Variants in SDCCAG8 observed in about 807,000 individuals in gnomAD.
SDCCAG8 encodes the protein serologically defined colon cancer antigen 8.
SDCCAG8 carries 74 observed loss-of-function variants against 101.8 expected under a neutral mutation model. That is an observed-to-expected ratio of 0.73 (90% CI 0.60 to 0.88). The LOEUF (loss-of-function observed/expected upper bound fraction) is 0.88, where lower values mean the gene tolerates loss of function less well. Among genes scored for constraint, SDCCAG8 ranks in the 40% least tolerant of loss-of-function variants. The pLI, the probability that SDCCAG8 is intolerant of heterozygous loss-of-function variation, is 0.00. For synonymous variants in SDCCAG8, 281 were observed against 292.9 expected, an observed-to-expected ratio of 0.96 and a Z score of 0.41; for missense variants, 787 against 822.6, an observed-to-expected ratio of 0.96 and a Z score of 0.53.
rs1235058056 is a variant in SDCCAG8, at chr1:243,272,484, ATC to A, written c.306+1423_306+1424del. Among the ~76,000 whole-genome samples, 17 of 152,316 alleles carry A rather than the reference ATC, an allele frequency of 1.1e-4. No homozygotes were observed. In the East Asian group the frequency reaches 3.3e-3, roughly 29 times the overall value. On this transcript the variant is annotated intron_variant, in intron 3 of 17. Coordinates refer to ENST00000366541, the MANE Select transcript of SDCCAG8 (RefSeq NM_006642.5). ...ATTTAATGAATTTATTACTATTGAC[ATC>A]TGGTTTCTAGCTTGCTCTTAAGCAC... is the stretch of plus-strand genomic sequence containing the variant.
chr1:243,416,762 A>G lies in SDCCAG8; in HGVS notation c.1744+933A>G, dbSNP rs1309933245. ...TAGTCAAAACAAGACAGTGTCAGTCATTATAATTCCACACCACATACTCCA... is the reference window on the plus strand; with the variant it reads ...TAGTCAAAACAAGACAGTGTCAGTCGTTATAATTCCACACCACATACTCCA... On this transcript the variant is annotated intron_variant, in intron 14 of 17. Coordinates refer to ENST00000366541, the MANE Select transcript of SDCCAG8 (RefSeq NM_006642.5). This position sits in a 1 kb window ranked among gnomAD's most constrained non-coding sequence, Gnocchi z 4.3. 1.3e-5 allele frequency among the ~76,000 whole-genome samples: 2 copies of G among 152,246 alleles called. No homozygotes were observed. Among genetic ancestry groups the G allele is most frequent in the African/African-American group, 4.8e-5 (2 of 41,464 alleles).
At chr1:243,430,606 T>G (rs930007589) in intron 16 of SDCCAG8, among the ~76,000 whole-genome samples, 5 of 151,604 alleles carry the variant, frequency 3.3e-5, no homozygotes, top group Admixed American at 6.6e-5. Context: ...GCCCGGCTAA[T>G]TTTTTGTATT....
At chr1:243,332,811 A>G (rs1319022035) in intron 10 of SDCCAG8, among the ~76,000 whole-genome samples, 1 of 144,780 alleles carries the variant, frequency 6.9e-6, no homozygotes, top group Non-Finnish European at 1.5e-5. Context: ...TGGTTATCGT[A>G]GTCCAGGTCT....
intron 13 of SDCCAG8, among the ~76,000 whole-genome samples, chr1:243,398,768 A>G (rs1183279287): frequency 6.6e-6 from 1 of 152,228 alleles, no homozygotes; most frequent in Non-Finnish European, 1.5e-5. Flanking sequence ...CATATCACAA[A>G]TTAAATTGTA....
At chr1:243,442,444 C>A (rs2082602604) in intron 16 of SDCCAG8, among the ~76,000 whole-genome samples, 1 of 152,086 alleles carries the variant, frequency 6.6e-6, no homozygotes, top group Admixed American at 6.5e-5. Flanking sequence ...GGCTGTGATG[C>A]GTCTACAGCC....
intron 17 of SDCCAG8, among the ~76,000 whole-genome samples, chr1:243,489,821 C>T (rs1322195860): frequency 1.3e-5 from 2 of 152,186 alleles, no homozygotes; most frequent in South Asian, 2.1e-4. Context: ...CCAGGCTTTC[C>T]CCATTCAGGT....
chr1:243,438,395 A>G (rs1189686432), intron 16 of SDCCAG8, among the ~76,000 whole-genome samples: 2 of 152,162 alleles, frequency 1.3e-5, no homozygotes, highest in African/African-American at 4.8e-5. Flanking sequence ...TCAGAGAGTC[A>G]TGTCACCTTT....
At chr1:243,380,022 A>T (rs1392098460) in intron 13 of SDCCAG8, among the ~76,000 whole-genome samples, 1 of 152,280 alleles carries the variant, frequency 6.6e-6, no homozygotes, top group Non-Finnish European at 1.5e-5. Context: ...ACCTTGTATA[A>T]AACATTTTGT....
chr1:243,374,744 T>C (rs575516570), intron 12 of SDCCAG8, among the ~76,000 whole-genome samples: 2 of 152,112 alleles, frequency 1.3e-5, no homozygotes, highest in South Asian at 2.1e-4. Flanking sequence ...TGATGACTTA[T>C]GACACAGAAA....
At chr1:243,475,758 G>C (rs1046317113) in intron 16 of SDCCAG8, among the ~76,000 whole-genome samples, 9 of 152,156 alleles carry the variant, frequency 5.9e-5, no homozygotes, top group African/African-American at 2.2e-4. Context: ...CTTCCTCAAG[G>C]CTCAAGGTGC....
chr1:243,402,981 A>G (rs571743859), intron 13 of SDCCAG8, among the ~76,000 whole-genome samples: 1 of 152,198 alleles, frequency 6.6e-6, no homozygotes, highest in Non-Finnish European at 1.5e-5. Flanking sequence ...GTTCTTCTAT[A>G]TCTTACTCTC....
chr1:243,320,875 A>G (rs1190787779), intron 9 of SDCCAG8, among the ~76,000 whole-genome samples: 1 of 152,094 alleles, frequency 6.6e-6, no homozygotes, highest in Non-Finnish European at 1.5e-5. Flanking sequence ...TCTCTGCTCC[A>G]CTGCCTGTAT....
At chr1:243,483,670 C>A (rs1022567040) in intron 16 of SDCCAG8, among the ~76,000 whole-genome samples, 10 of 152,168 alleles carry the variant, frequency 6.6e-5, no homozygotes, top group Non-Finnish European at 8.8e-5. Flanking sequence ...CTCCGCAGGG[C>A]GCTCCGCCAC....
chr1:243,293,307 C>G, intron 6 of SDCCAG8, 88 bp downstream of exon 6: 1 of 1,310,218 alleles, frequency 7.6e-7, no homozygotes, highest in Non-Finnish European at 1.1e-6. Flanking sequence ...ATATATATAA[C>G]AAAATTTACC....
At chr1:243,461,297 A>C (rs1029347928) in intron 16 of SDCCAG8, among the ~76,000 whole-genome samples, 1 of 152,224 alleles carries the variant, frequency 6.6e-6, no homozygotes, top group African/African-American at 2.4e-5. Flanking sequence ...AACTACATGG[A>C]TAATTTACTA....
chr1:243,382,861 G>A (rs2078042544), intron 13 of SDCCAG8, among the ~76,000 whole-genome samples: 1 of 152,120 alleles, frequency 6.6e-6, no homozygotes, highest in Non-Finnish European at 1.5e-5. Flanking sequence ...GAATAAGAGA[G>A]GACACAATTA....
chr1:243,377,083 T>C (rs1304104229), intron 12 of SDCCAG8, among the ~76,000 whole-genome samples: 1 of 152,158 alleles, frequency 6.6e-6, no homozygotes, highest in Non-Finnish European at 1.5e-5. Context: ...TTATATGCTT[T>C]GCATTTTGAT....
At chr1:243,367,308 G>C (rs2077043525) in intron 12 of SDCCAG8, among the ~76,000 whole-genome samples, 1 of 151,870 alleles carries the variant, frequency 6.6e-6, no homozygotes, top group Non-Finnish European at 1.5e-5. Flanking sequence ...TTGTTTTCCT[G>C]GTTTTTTGCA....
intron 12 of SDCCAG8, among the ~76,000 whole-genome samples, chr1:243,349,558 T>C (rs1402294255): frequency 6.6e-6 from 1 of 152,230 alleles, no homozygotes; most frequent in Non-Finnish European, 1.5e-5. Flanking sequence ...AGCTTTGAGT[T>C]TGAAGACCCA....
Sources: gnomAD v4.1 joint callset for allele counts (sites outside exome capture counted in the v4.1 genomes callset) on GRCh38, gnomAD v4.1.1 for gene constraint, Gnocchi (gnomAD v3.1) non-coding constraint, MANE v1.5 for transcripts, NCBI Gene and HGNC (gene_info 2026-07-23, HGNC 2026-07-21) for gene names.